BMPR1A: variants seen among roughly 807,000 people sequenced by gnomAD.
BMPR1A encodes the protein bone morphogenetic protein receptor type 1A.
In BMPR1A, 7 loss-of-function variants were observed where a neutral mutation model predicts 66.0. That is an observed-to-expected ratio of 0.11 (90% confidence interval 0.06 to 0.20). The LOEUF (loss-of-function observed/expected upper bound fraction) is 0.20, where lower values mean the gene tolerates loss of function less well. Among genes scored for constraint, BMPR1A ranks in the 10% least tolerant of loss-of-function variants. The pLI, the probability that BMPR1A is intolerant of heterozygous loss-of-function variation, is 1.00. For synonymous variants in BMPR1A, 200 were observed against 229.7 expected (o/e 0.87, Z 1.17); for missense variants, 408 against 669.1 (o/e 0.61, Z 4.31).
chr10:86,819,881 C>G (rs1842096504), intron 1 of BMPR1A, among the ~76,000 whole-genome samples: 1 of 152,140 alleles, frequency 6.6e-6, no homozygotes, highest in Non-Finnish European at 1.5e-5. Flanking sequence ...TTATTTATGT[C>G]TGTAATGTGA....
Position 86,899,904 on chromosome 10 carries a change from G to A in BMPR1A, c.430+14G>A, listed in dbSNP as rs2133455070. 3.1e-6 allele frequency: 5 copies of A among 1,613,016 alleles called. No homozygotes were observed. Among genetic ancestry groups the A allele is most frequent in the Non-Finnish European group, 4.2e-6 (5 of 1,178,966 alleles). ...CTGTTGTCATAGGTAGGTTAGCCGA[G>A]AAAAGTCGGAGCATGCTTCTCAAAT... On this transcript the variant is annotated intron_variant, in intron 6 of 12. Coordinates refer to ENST00000372037, the MANE Select transcript of BMPR1A (RefSeq NM_004329.3).
At chr10:86,766,751 G>C (rs1247076935) in intron 1 of BMPR1A, among the ~76,000 whole-genome samples, 1 of 150,708 alleles carries the variant, frequency 6.6e-6, no homozygotes, top group Admixed American at 6.6e-5. Flanking sequence ...GAGTACAGGC[G>C]CCCGCCATCA....
intron 2 of BMPR1A, among the ~76,000 whole-genome samples, chr10:86,860,057 G>C (rs1842693047): frequency 6.6e-6 from 1 of 151,976 alleles, no homozygotes; most frequent in Non-Finnish European, 1.5e-5. Context: ...ACCTGTAGTT[G>C]GGACTGCTCG....
intron 1 of BMPR1A, among the ~76,000 whole-genome samples, chr10:86,802,954 C>T (rs1808198456): frequency 7.1e-6 from 1 of 141,144 alleles, no homozygotes; most frequent in East Asian, 2.3e-4. Flanking sequence ...GGCTGTGGCC[C>T]TATCTAGGGA....
chr10:86,892,078 T>C, intron 4 of BMPR1A, 49 bp from the exon 5 acceptor site: 1 of 1,500,658 alleles, frequency 6.7e-7, no homozygotes, highest in Non-Finnish European at 9.2e-7. Flanking sequence ...TCGTTAGTAC[T>C]TTCTATGTGA....
intron 1 of BMPR1A, among the ~76,000 whole-genome samples, chr10:86,792,527 G>T (rs1275918486): frequency 6.6e-6 from 1 of 152,178 alleles, no homozygotes; most frequent in Non-Finnish European, 1.5e-5. Context: ...TGGGTGCAGT[G>T]GCTCAAACCT....
chr10:86,916,371 C>G (rs76559230), intron 8 of BMPR1A, among the ~76,000 whole-genome samples: 44 of 152,312 alleles, frequency 2.9e-4, no homozygotes, highest in African/African-American at 9.9e-4. Context: ...GTTGGACTTG[C>G]TTAGCTAGAG....
intron 1 of BMPR1A, among the ~76,000 whole-genome samples, chr10:86,763,658 G>A (rs933977751): frequency 6.6e-6 from 1 of 151,960 alleles, no homozygotes; most frequent in African/African-American, 2.4e-5. Context: ...TGCCCTTCCC[G>A]TATCCTGCTT....
chr10:86,857,900 C>T (rs1012784479), intron 2 of BMPR1A, among the ~76,000 whole-genome samples: 1 of 151,852 alleles, frequency 6.6e-6, no homozygotes, highest in Non-Finnish European at 1.5e-5. Context: ...TCAAGCAGTC[C>T]TCCTGCCTGT....
rs1329660141 is a variant in BMPR1A at position 86,765,883 on chromosome 10, C to A, written c.-268+8964C>A. The stretch of plus-strand genomic sequence containing the variant: ...TTGCCTTCTTTCTTTTTTTCTGTCC[C>A]CATTTCCTAAAATGGGGTCATACGA... On this transcript the variant is annotated intron_variant, in intron 1 of 12. Coordinates refer to ENST00000372037, the MANE Select transcript of BMPR1A (RefSeq NM_004329.3). 2.6e-5 allele frequency among the ~76,000 whole-genome samples: 4 copies of A among 151,952 alleles called. No individual in the cohort carries two copies. The East Asian group carries it at 7.7e-4, about 29-fold the overall frequency.
intron 1 of BMPR1A, among the ~76,000 whole-genome samples, chr10:86,779,066 C>T (rs972340047): frequency 6.6e-6 from 1 of 151,940 alleles, no homozygotes; most frequent in Admixed American, 6.6e-5. Context: ...CCATACTCAG[C>T]CCAGATTTTA....
intron 1 of BMPR1A, among the ~76,000 whole-genome samples, chr10:86,790,222 T>TATATATATATAAAA (rs1554878872): frequency 3.5e-5 from 2 of 57,170 alleles, no homozygotes; most frequent in African/African-American, 1.2e-4. Context: ...TATATATATA[T>TATATATATATAAAA]ATATATATAT....
rs564067524 is a variant in BMPR1A, at chr10:86,897,254, C to T, written c.334-2540C>T. Among the ~76,000 whole-genome samples, 4 of 152,286 alleles carry T rather than the reference C, an allele frequency of 2.6e-5. No individual in the cohort carries two copies. In the East Asian group the frequency reaches 7.7e-4, roughly 29 times the overall value. ...TGTTTCCCACAAAAATTCATATTCCCCACATAAGTCTAGAAATACAAAATT... is the reference window on the plus strand; with the variant it reads ...TGTTTCCCACAAAAATTCATATTCCTCACATAAGTCTAGAAATACAAAATT... On this transcript the variant is annotated intron_variant, in intron 5 of 12. Coordinates refer to ENST00000372037, the MANE Select transcript of BMPR1A (RefSeq NM_004329.3).
chr10:86,798,569 C>T (rs924338081), intron 1 of BMPR1A, among the ~76,000 whole-genome samples: 2 of 152,116 alleles, frequency 1.3e-5, no homozygotes, highest in African/African-American at 2.4e-5. Flanking sequence ...AACATGGAAT[C>T]TCTAGGACAT....
intron 3 of BMPR1A, among the ~76,000 whole-genome samples, chr10:86,880,118 C>A (rs1185605566): frequency 6.6e-6 from 1 of 152,166 alleles, no homozygotes; most frequent in African/African-American, 2.4e-5. Flanking sequence ...ATTGAAAACT[C>A]ACAGCCTGAC....
At chr10:86,818,378 T>TC (rs1374149744) in intron 1 of BMPR1A, among the ~76,000 whole-genome samples, 1 of 152,160 alleles carries the variant, frequency 6.6e-6, no homozygotes, top group Admixed American at 6.5e-5. Flanking sequence ...CAGGTTTTTT[T>TC]GTTTTAAAAT....
chr10:86,932,141 TC>T (rs1339800739), downstream of BMPR1A: 6 of 152,218 alleles, frequency 3.9e-5, no homozygotes, highest in African/African-American at 1.4e-4. Flanking sequence ...CAGAGACTCA[TC>T]TTGTAATGTT....
intron 1 of BMPR1A, among the ~76,000 whole-genome samples, chr10:86,796,598 A>G (rs1689819954): frequency 1.3e-5 from 2 of 149,126 alleles, no homozygotes; most frequent in South Asian, 2.1e-4. Flanking sequence ...GTTTTTTGAG[A>G]CAGAATCTCT....
At chr10:86,760,779 C>T (rs190654438) in intron 1 of BMPR1A, among the ~76,000 whole-genome samples, 5 of 152,254 alleles carry the variant, frequency 3.3e-5, no homozygotes, top group East Asian at 1.9e-4. Flanking sequence ...TCCTTTTCTA[C>T]TTTCCCACCT....
Sources: gnomAD v4.1 joint callset for allele counts (sites outside exome capture counted in the v4.1 genomes callset) on GRCh38, gnomAD v4.1.1 for gene constraint, MANE v1.5 for transcripts, NCBI Gene and HGNC (gene_info 2026-07-23, HGNC 2026-07-21) for gene names.